The following MAGI1 variants were observed in gnomAD, a reference collection of about 807,000 sequenced individuals.
The protein encoded by MAGI1 is membrane-associated guanylate kinase, WW and PDZ domain-containing protein 1.
Under a neutral mutation model 139.9 loss-of-function variants are expected in MAGI1, and 58 were observed. The ratio of observed to expected loss-of-function variants is 0.41; its 90% confidence interval spans 0.34 to 0.52. MAGI1 has a LOEUF of 0.52. Ranked by LOEUF, MAGI1 falls within the 20% of genes least tolerant of loss-of-function variation. The pLI is 0.12. For synonymous variants in MAGI1, 812 were observed against 737.9 expected (o/e 1.10, Z -1.63); for missense variants, 1,874 against 1,901.6 (o/e 0.99, Z 0.27).
At chr3:65,491,391 T>C (rs1952022499) in intron 3 of MAGI1, among the ~76,000 whole-genome samples, 1 of 152,190 alleles carries the variant, frequency 6.6e-6, no homozygotes, top group Non-Finnish European at 1.5e-5. Context: ...TCGAATAAAG[T>C]GAGTTTACTT....
intron 1 of MAGI1, among the ~76,000 whole-genome samples, chr3:65,955,181 C>A (rs910221109): frequency 6.6e-6 from 1 of 152,192 alleles, no homozygotes; most frequent in Admixed American, 6.5e-5. Flanking sequence ...GAAGAAAACA[C>A]GTTAGAGGTA....
At chr3:65,702,376 A>G (rs183007178) in intron 1 of MAGI1, among the ~76,000 whole-genome samples, 36 of 152,272 alleles carry the variant, frequency 2.4e-4, no homozygotes, top group South Asian at 1.7e-3. Context: ...TTTAAGGTCA[A>G]TGTTGTAATT....
intron 1 of MAGI1, among the ~76,000 whole-genome samples, chr3:65,960,754 CTTCCT>C (rs1215560347): frequency 6.6e-6 from 1 of 152,204 alleles, no homozygotes; most frequent in African/African-American, 2.4e-5. Flanking sequence ...GTTATCCTTC[CTTCCT>C]TTCAACTCTT....
chr3:65,901,366 G>C (rs2061225779), intron 1 of MAGI1, among the ~76,000 whole-genome samples: 1 of 152,162 alleles, frequency 6.6e-6, no homozygotes, highest in African/African-American at 2.4e-5. Context: ...GGAAGGGTGA[G>C]AGTCACGTGG....
chr3:65,787,836 T>A (rs1192072395), intron 1 of MAGI1, among the ~76,000 whole-genome samples: 1 of 152,110 alleles, frequency 6.6e-6, no homozygotes, highest in East Asian at 1.9e-4. Flanking sequence ...AATAATAGCC[T>A]GTGCCAAGGA....
intron 1 of MAGI1, among the ~76,000 whole-genome samples, chr3:65,690,718 G>A (rs1451210321): frequency 8.7e-6 from 1 of 114,510 alleles, no homozygotes; most frequent in Non-Finnish European, 1.7e-5. Flanking sequence ...GACCTCAAGT[G>A]ATCCACCTCC....
Position 65,950,050 on chromosome 3 carries a change from A to G in MAGI1, c.313+87946T>C, listed in dbSNP as rs866144476. 2.2e-3 allele frequency among the ~76,000 whole-genome samples: 152 copies of G among 70,602 alleles called. 1 individual carries two copies. Among genetic ancestry groups the G allele is most frequent in the African/African-American group, 6.4e-3 (149 of 23,296 alleles). 46.3% of individuals were successfully genotyped at this position (70,602 alleles called of 152,430 possible). A position where few individuals can be genotyped will look rare whatever the true frequency, so the allele number is the denominator to read the frequency against. Reference sequence around the variant, plus strand: ...GGCAACAGAGCCAGATCATCAAAAAAAAAAAAAACAAAAAAACAAAAAAAA... The same window carrying G: ...GGCAACAGAGCCAGATCATCAAAAAGAAAAAAAACAAAAAAACAAAAAAAA... On this transcript the variant is annotated intron_variant, in intron 1 of 22. Coordinates refer to ENST00000402939, the MANE Select transcript of MAGI1 (RefSeq NM_001033057.2).
rs577558517 is a variant in MAGI1, at chr3:65,723,869, G to A, written c.314-101781C>T. Among the ~76,000 whole-genome samples the A allele has an allele frequency of 3.9e-5, 6 of 152,288 alleles. No individual in the cohort carries two copies. The South Asian group carries it at 1.2e-3, about 32-fold the overall frequency. The stretch of plus-strand genomic sequence containing the variant: ...TAGAGCCTCAAGTATTTAATCTTTA[G>A]TGAGATTCAGCATGAGTGCAAGAGA... On this transcript the variant is annotated intron_variant, in intron 1 of 22. Transcript: ENST00000402939.
At chr3:65,947,407 G>A (rs1190017746) in intron 1 of MAGI1, among the ~76,000 whole-genome samples, 2 of 151,874 alleles carry the variant, frequency 1.3e-5, no homozygotes, top group African/African-American at 4.8e-5. Context: ...CTAAAATGGA[G>A]GAACACAAAG....
At chr3:65,498,386 C>T (rs1295213946) in intron 2 of MAGI1, among the ~76,000 whole-genome samples, 1 of 151,690 alleles carries the variant, frequency 6.6e-6, no homozygotes, top group Non-Finnish European at 1.5e-5. Context: ...CGATATCTTG[C>T]AGTTATTAGC....
At chr3:65,402,659 G>C (rs914631142) in intron 12 of MAGI1, among the ~76,000 whole-genome samples, 1 of 152,078 alleles carries the variant, frequency 6.6e-6, no homozygotes, top group African/African-American at 2.4e-5. Flanking sequence ...CAACTCTTTT[G>C]GAAGTGACTT....
At chr3:65,558,262 A>T (rs1173590396) in intron 2 of MAGI1, among the ~76,000 whole-genome samples, 1 of 152,116 alleles carries the variant, frequency 6.6e-6, no homozygotes, top group Non-Finnish European at 1.5e-5. Flanking sequence ...TTTATTTTTC[A>T]TGGATGACAG....
intron 12 of MAGI1, among the ~76,000 whole-genome samples, chr3:65,416,716 C>T (rs1413958880): frequency 6.6e-6 from 1 of 152,112 alleles, no homozygotes; most frequent in East Asian, 1.9e-4. Context: ...ACTTGGCAAA[C>T]AATAAAGGGC....
intron 3 of MAGI1, among the ~76,000 whole-genome samples, chr3:65,480,816 G>C (rs1363149371): frequency 6.6e-6 from 1 of 151,902 alleles, no homozygotes; most frequent in Non-Finnish European, 1.5e-5. Context: ...TGGAACTCCT[G>C]ACCTGAGGTG....
intron 22 of MAGI1, chr3:65,360,522 C>T: frequency 3.0e-6 from 3 of 985,084 alleles, no homozygotes; most frequent in Non-Finnish European, 3.6e-6. Flanking sequence ...CCTGGCTTTC[C>T]TCATAGGAAA....
At chr3:65,979,096 C>CCCT (rs1483552140) in intron 1 of MAGI1, among the ~76,000 whole-genome samples, 2 of 60,392 alleles carry the variant, frequency 3.3e-5, no homozygotes, top group African/African-American at 8.9e-5. Flanking sequence ...CTTCCCCCCC[C>CCCT]CCGCCACCCC....
chr3:65,365,295 G>A, intron 18 of MAGI1: 1 of 453,272 alleles, frequency 2.2e-6, no homozygotes, highest in South Asian at 1.8e-5. Flanking sequence ...CTGCACCACA[G>A]CAGAATTCTC....
chr3:65,621,819 T>C (rs1032521013), intron 2 of MAGI1, among the ~76,000 whole-genome samples, 153 bp downstream of exon 2: 2 of 152,024 alleles, frequency 1.3e-5, no homozygotes, highest in Non-Finnish European at 2.9e-5. Flanking sequence ...GACACTGTTA[T>C]TGAATTATGA....
At position 65,747,087 on chromosome 3, in the gene MAGI1, G is replaced by A. The variant is rs145445379; in HGVS notation, c.314-124999C>T. On this transcript the variant is annotated intron_variant, in intron 1 of 22. Coordinates refer to ENST00000402939, the MANE Select transcript of MAGI1 (RefSeq NM_001033057.2). ...AGGCTGAGGCAGGACGAATGTGTGA[G>A]GCCAGGAAGTCAAAGCCAGCCTGAG... Among the ~76,000 whole-genome samples the A allele has an allele frequency of 2.6e-3, 403 of 152,262 alleles. 5 individuals are homozygous for A. The highest frequency in any genetic ancestry group is 9.1e-3 in the African/African-American group (377 of 41,552).
Sources: gnomAD v4.1 joint callset for allele counts (sites outside exome capture counted in the v4.1 genomes callset) on GRCh38, gnomAD v4.1.1 for gene constraint, MANE v1.5 for transcripts, NCBI Gene and HGNC (gene_info 2026-07-23, HGNC 2026-07-21) for gene names.